Variants in PTH2R observed in about 807,000 individuals in gnomAD.
PTH2R encodes PTH2 receptor.
PTH2R carries 59 observed loss-of-function variants against 60.3 expected under a neutral mutation model. That is an observed-to-expected ratio of 0.98 (90% CI 0.79 to 1.22). The LOEUF is 1.22. Ranked by LOEUF, PTH2R falls within the 50% of genes most tolerant of loss-of-function variation. PTH2R has a pLI of 0.00. For synonymous variants in PTH2R, 256 were observed against 243.8 expected (o/e 1.05, Z -0.47); for missense variants, 749 against 682.6 (o/e 1.10, Z -1.08).
chr2:208,466,577 G>A (rs545375248), intron 9 of PTH2R: 1 of 152,184 alleles, frequency 6.6e-6, no homozygotes, highest in South Asian at 2.1e-4. Context: ...TAGTTTTTTT[G>A]CAGGTTGCTT....
Position 208,442,405 on chromosome 2 carries a change from C to G in PTH2R, c.453C>G (p.Gly151=). ...GCCTCTATGTAATGTATACCGTTGG[C>G]TACTCCATCTCTTTTGGTTCCTTGG... is the stretch of plus-strand genomic sequence containing the variant. ...FERLYVMYTV[G]YSISFGSLAV... Residue 151 remains glycine (G), a synonymous_variant, in exon 5 of 13, where the codon GGC becomes GGG. Coordinates refer to ENST00000272847, the MANE Select transcript of PTH2R (RefSeq NM_005048.4). 1 of 1,613,570 alleles carries G rather than the reference C, an allele frequency of 6.2e-7. No individual in the cohort carries two copies. Among genetic ancestry groups the G allele is most frequent in the Non-Finnish European group, 8.5e-7 (1 of 1,179,526 alleles).
chr2:208,492,704 G>A (rs1703430991), intron 12 of PTH2R, among the ~76,000 whole-genome samples: 1 of 152,084 alleles, frequency 6.6e-6, no homozygotes, highest in Non-Finnish European at 1.5e-5. Context: ...CTAAGAAAGG[G>A]GAGTCATGGG....
intron 1 of PTH2R, among the ~76,000 whole-genome samples, chr2:208,413,210 C>A (rs923266152): frequency 2.0e-5 from 3 of 151,940 alleles, no homozygotes; most frequent in African/African-American, 7.3e-5. Flanking sequence ...GCAATTTGAA[C>A]TCATTAAATT....
chr2:208,468,470 C>A (rs72990618), intron 9 of PTH2R, among the ~76,000 whole-genome samples: 1,756 of 152,308 alleles, frequency 0.012, 14 homozygotes, highest in Non-Finnish European at 0.018. Context: ...ATAATAAAAT[C>A]TAACATCTCT....
intron 1 of PTH2R, among the ~76,000 whole-genome samples, chr2:208,409,395 A>T (rs1701493879): frequency 6.6e-6 from 1 of 152,224 alleles, no homozygotes. Flanking sequence ...GACTAAATAC[A>T]TTCTGGGTAT....
At chr2:208,421,365 GGTGTGTGT>G (rs10567822) in intron 1 of PTH2R, among the ~76,000 whole-genome samples, 2 of 147,954 alleles carry the variant, frequency 1.4e-5, no homozygotes, top group Non-Finnish European at 3.0e-5. Flanking sequence ...TCATATTGGG[GGTGTGTGT>G]GTGTGTGTGT....
intron 2 of PTH2R, among the ~76,000 whole-genome samples, chr2:208,436,551 A>T (rs1702078436): frequency 6.6e-6 from 1 of 152,174 alleles, no homozygotes; most frequent in South Asian, 2.1e-4. Context: ...ACAGAAGCCT[A>T]GGAGTCATTG....
intron 1 of PTH2R, among the ~76,000 whole-genome samples, chr2:208,408,786 C>T (rs1180266376): frequency 7.1e-6 from 1 of 140,960 alleles, no homozygotes; most frequent in Non-Finnish European, 1.5e-5. Flanking sequence ...AAATAAATCA[C>T]CATGGGATTG....
chr2:208,480,926 A>G (rs1703132064), intron 9 of PTH2R, 144 bp from the exon 10 acceptor site: 14 of 590,464 alleles, frequency 2.4e-5, no homozygotes, highest in Non-Finnish European at 3.6e-5. Flanking sequence ...TAGCCTTCCA[A>G]TATCTGATCT....
At chr2:208,388,140 C>CT (rs1553541032) in intron 1 of PTH2R, among the ~76,000 whole-genome samples, 4 of 149,576 alleles carry the variant, frequency 2.7e-5, no homozygotes, top group Admixed American at 6.6e-5. Flanking sequence ...AAACCCCCCC[C>CT]CCCGTCTCTA....
chr2:208,416,548 G>A (rs917304435), intron 1 of PTH2R, among the ~76,000 whole-genome samples: 3 of 152,160 alleles, frequency 2.0e-5, no homozygotes, highest in African/African-American at 7.2e-5. Flanking sequence ...TTGAAATTAG[G>A]TGAACTACTT....
intron 1 of PTH2R, among the ~76,000 whole-genome samples, chr2:208,386,644 G>A (rs575819971): frequency 6.6e-6 from 1 of 152,272 alleles, no homozygotes; most frequent in South Asian, 2.1e-4. Flanking sequence ...TGGAGTCTGG[G>A]AAATCCAAGG....
chr2:208,420,707 A>G (rs562712094), intron 1 of PTH2R, among the ~76,000 whole-genome samples: 1 of 152,348 alleles, frequency 6.6e-6, no homozygotes, highest in East Asian at 1.9e-4. Flanking sequence ...GTTTCTTTCA[A>G]TGGTAACATC....
At chr2:208,427,337 T>C (rs1410600313) in intron 1 of PTH2R, among the ~76,000 whole-genome samples, 1 of 152,242 alleles carries the variant, frequency 6.6e-6, no homozygotes, top group African/African-American at 2.4e-5. Flanking sequence ...GACTCATGTA[T>C]ATCCAGTTCA....
At chr2:208,489,466 G>A (rs1269813332) in intron 11 of PTH2R, among the ~76,000 whole-genome samples, 2 of 152,078 alleles carry the variant, frequency 1.3e-5, no homozygotes, top group Non-Finnish European at 2.9e-5. Flanking sequence ...TGTGTGTATG[G>A]AAGATAAACA....
intron 8 of PTH2R, 54 bp downstream of exon 8, chr2:208,450,863 G>T (rs552974039): frequency 3.8e-6 from 6 of 1,570,300 alleles, no homozygotes; most frequent in Non-Finnish European, 5.3e-6. Context: ...CAAGACTCAG[G>T]CTTCCTGCTC....
At chr2:208,408,970 G>A (rs1045291298) in intron 1 of PTH2R, among the ~76,000 whole-genome samples, 9 of 151,872 alleles carry the variant, frequency 5.9e-5, no homozygotes, top group Admixed American at 2.0e-4. Flanking sequence ...AGTATTTAGC[G>A]CCACCCTGTC....
chr2:208,435,400 T>G (rs1264671801), intron 2 of PTH2R, among the ~76,000 whole-genome samples: 2 of 152,198 alleles, frequency 1.3e-5, no homozygotes, highest in Non-Finnish European at 2.9e-5. Flanking sequence ...GTTATGGACC[T>G]TAAAATGAGG....
At position 208,443,552 on chromosome 2, in the gene PTH2R, C is replaced by T. The variant is rs774564676; in HGVS notation, c.699+15C>T. The stretch of plus-strand genomic sequence containing the variant: ...AATCACAATATGTAAGTGTTTTCAC[C>T]ATTTTCTCTCATTACTAATTTGTAT... On this transcript the variant is annotated intron_variant, in intron 6 of 12. Transcript: ENST00000272847. 1 of 1,568,760 alleles carries T rather than the reference C, an allele frequency of 6.4e-7. No homozygotes were observed. The highest frequency in any genetic ancestry group is 1.2e-5 in the South Asian group (1 of 84,292).
Sources: gnomAD v4.1 joint callset for allele counts (sites outside exome capture counted in the v4.1 genomes callset) on GRCh38, gnomAD v4.1.1 for gene constraint, MANE v1.5 for transcripts, NCBI Gene and HGNC (gene_info 2026-07-23, HGNC 2026-07-21) for gene names.